The following NOL9 variants were observed in gnomAD, a reference collection of about 807,000 sequenced individuals.
NOL9 encodes the protein nucleolar protein 9, also known as polynucleotide 5'-hydroxyl-kinase NOL9.
NOL9 carries 28 observed loss-of-function variants against 67.9 expected under a neutral mutation model. That is an observed-to-expected ratio of 0.41 (90% CI 0.31 to 0.57). The LOEUF is 0.57. Ranked by LOEUF, NOL9 falls within the 20% of genes least tolerant of loss-of-function variation. The probability of loss-of-function intolerance (pLI) is 0.25; values close to 1 mark genes in which losing one functional copy is unlikely to be tolerated. For missense variants in NOL9, 777 were observed against 897.0 expected (o/e 0.87, Z 1.71); for synonymous variants, 356 against 352.2 (o/e 1.01, Z -0.12).
chr1:6,524,720 CCAG>C lies in NOL9; in HGVS notation c.*1131_*1133del, dbSNP rs1035396086. 6.6e-6 allele frequency: 1 copy of C among 152,112 alleles called. No individual in the cohort carries two copies. Among genetic ancestry groups the C allele is most frequent in the Admixed American group, 6.6e-5 (1 of 15,250 alleles). 9.4% of individuals were successfully genotyped at this position (152,112 alleles called of 1,614,324 possible). A position where few individuals can be genotyped will look rare whatever the true frequency, so the allele number is the denominator to read the frequency against. On this transcript the variant is annotated 3_prime_UTR_variant, in exon 12 of 12. Transcript: ENST00000377705. ...GACAAATCTACTTTTATAAGAGCCCCCAGAAGAGGTTTTCCAGATTATTATTTT... is the reference window on the plus strand; with the variant it reads ...GACAAATCTACTTTTATAAGAGCCCCAAGAGGTTTTCCAGATTATTATTTT...
Position 6,550,420 on chromosome 1 carries a change from A to G in NOL9, c.592T>C (p.Leu198=). The G allele has an allele frequency of 1.2e-6, 2 of 1,614,142 alleles. No individual in the cohort carries two copies. Among genetic ancestry groups the G allele is most frequent in the Non-Finnish European group, 1.7e-6 (2 of 1,180,004 alleles). Residue 198 remains leucine, a synonymous_variant, in exon 2 of 12, where the codon TTG becomes CTG. Coordinates refer to ENST00000377705, the MANE Select transcript of NOL9 (RefSeq NM_024654.5). ...KKELKREARN[L]LKSHLNLDDR... ...CCAAGGTTAAGATGAGATTTGAGCA[A>G]ATTCCGGGCTTCCCTTTTCAGTTCC...
Position 6,526,785 on chromosome 1 carries a change from G to A in NOL9, c.1870C>T (p.Leu624Phe), listed in dbSNP as rs1464873944. The change falls in exon 11 of 12, where the codon CTC (leucine) becomes TTC (phenylalanine). Residue 624 changes from leucine to phenylalanine, a missense_variant. By Grantham distance (22) the Leu-to-Phe change is conservative. Around this residue, in one of 2 missense-constraint regions of NOL9, gnomAD observed 413 missense variants for 552.6 expected, o/e 0.75. Coordinates refer to ENST00000377705, the MANE Select transcript of NOL9 (RefSeq NM_024654.5). ...AGCTCTTCCGGGGGCACAGGGGTGA[G>A]GATGTGGTACAGCCGCTTCTCCATG... Reference protein sequence around the residue: ...IDMEKRLYHILTPVPPEELRT... With the variant: ...IDMEKRLYHIFTPVPPEELRT... 1 of 1,613,616 alleles carries A rather than the reference G, an allele frequency of 6.2e-7. No individual in the cohort carries two copies. The highest frequency in any genetic ancestry group is 1.3e-5 in the African/African-American group (1 of 74,916).
At position 6,541,881 on chromosome 1, in the gene NOL9, A is replaced by G; in HGVS notation, c.1024T>C (p.Phe342Leu). Residue 342 changes from phenylalanine (F) to leucine (L), a missense_variant, in exon 6 of 12, where the codon TTT becomes CTT. Physicochemically the swap from Phe to Leu is conservative, Grantham distance 22. Around this residue, in one of 2 missense-constraint regions of NOL9, gnomAD observed 413 missense variants for 552.6 expected, o/e 0.75. Coordinates refer to ENST00000377705, the MANE Select transcript of NOL9 (RefSeq NM_024654.5). ...YLECDLGQTE[F>L]TPPGCISLLN... ...AAAGAAATGCAACCAGGAGGGGTAA[A>G]TTCTGTCTGTCCCAGATCACATTCC... is the stretch of plus-strand genomic sequence containing the variant. The G allele has an allele frequency of 1.2e-6, 2 of 1,609,604 alleles. No homozygotes were observed. The highest frequency in any genetic ancestry group is 2.2e-5 in the East Asian group (1 of 44,736).
intron 1 of NOL9, among the ~76,000 whole-genome samples, chr1:6,551,581 AGT>A (rs1570089651): frequency 6.6e-6 from 1 of 151,964 alleles, no homozygotes; most frequent in African/African-American, 2.4e-5. Flanking sequence ...CCTGGGCGAC[AGT>A]GATACTGTCC....
rs968946004 is a variant in NOL9, at chr1:6,525,197, G to A, written c.*657C>T. 6.6e-6 allele frequency: 1 copy of A among 152,126 alleles called. No homozygotes were observed. The highest frequency in any genetic ancestry group is 1.5e-5 in the Non-Finnish European group (1 of 68,124). The allele number at this position is 152,126 out of a possible 1,614,324, so 9.4% of individuals were successfully genotyped here. ...GTCTTACTCTGTCGCTCAGGCTGGA[G>A]TAGTTGGTGTACTCCAGCCTGGAAC... On this transcript the variant is annotated 3_prime_UTR_variant, in exon 12 of 12. Transcript: ENST00000377705.
At chr1:6,542,140 C>T (rs757032695) in intron 5 of NOL9, among the ~76,000 whole-genome samples, 11 of 144,678 alleles carry the variant, frequency 7.6e-5, no homozygotes, top group African/African-American at 2.0e-4. Flanking sequence ...ATTTGTAACA[C>T]GGATAACAAC....
In NOL9 at chr1:6,525,759, T is replaced by A; in HGVS notation, c.*95A>T. On this transcript the variant is annotated 3_prime_UTR_variant, in exon 12 of 12. Coordinates refer to ENST00000377705, the MANE Select transcript of NOL9 (RefSeq NM_024654.5). ...AACACTGTTGCTAATAAGGGCACCA[T>A]TCATGGCCATGAAACTCCATCATGT... 7 of 1,314,252 alleles carry A rather than the reference T, an allele frequency of 5.3e-6. No homozygotes were observed. The highest frequency in any genetic ancestry group is 7.6e-6 in the Non-Finnish European group (7 of 921,646). 81.4% of individuals were successfully genotyped at this position (1,314,252 alleles called of 1,614,324 possible).
chr1:6,532,332 T>C (rs1160149372), intron 8 of NOL9, 131 bp downstream of exon 8: 1 of 877,558 alleles, frequency 1.1e-6, no homozygotes, highest in African/African-American at 1.7e-5. Context: ...AACTGGTTCG[T>C]CTTTGTGCAT....
At chr1:6,540,054 C>T (rs1408750278) in intron 6 of NOL9, among the ~76,000 whole-genome samples, 5 of 150,704 alleles carry the variant, frequency 3.3e-5, no homozygotes, top group African/African-American at 7.3e-5. Context: ...GGTGAGATCT[C>T]GGCTCACCGC....
chr1:6,528,769 G>C (rs906772150), intron 10 of NOL9, among the ~76,000 whole-genome samples: 11 of 152,218 alleles, frequency 7.2e-5, no homozygotes, highest in Admixed American at 1.3e-4. Flanking sequence ...GGAGGGCCAA[G>C]CCCAGGCCCT....
chr1:6,550,925 C>A (rs990316473), intron 1 of NOL9, among the ~76,000 whole-genome samples: 1 of 152,102 alleles, frequency 6.6e-6, no homozygotes, highest in Non-Finnish European at 1.5e-5. Context: ...TCAGGTGATC[C>A]ATCCACCTCG....
At chr1:6,545,597 T>A (rs565608743) in intron 3 of NOL9, among the ~76,000 whole-genome samples, 36 of 152,152 alleles carry the variant, frequency 2.4e-4, no homozygotes, top group Admixed American at 1.8e-3. Flanking sequence ...GACAGGTCTG[T>A]GAAGTCCAGG....
intron 6 of NOL9, among the ~76,000 whole-genome samples, chr1:6,537,930 TGGCTAACAC>T (rs1210409424): frequency 3.7e-5 from 5 of 136,524 alleles, no homozygotes; most frequent in Middle Eastern, 4.5e-3. Flanking sequence ...GAGACCATCC[TGGCTAACAC>T]GGTGAAACCC....
intron 9 of NOL9, among the ~76,000 whole-genome samples, chr1:6,529,444 C>T (rs112131970): frequency 0.013 from 1,950 of 152,018 alleles, 51 homozygotes; most frequent in African/African-American, 0.044. Flanking sequence ...CAAAATTAGC[C>T]AGGCATGGTG....
At chr1:6,535,162 C>T (rs982406834) in intron 6 of NOL9, among the ~76,000 whole-genome samples, 2 of 152,130 alleles carry the variant, frequency 1.3e-5, no homozygotes. Flanking sequence ...TATATGCATA[C>T]ATACACATAT....
At chr1:6,542,618 C>T (rs1329867360) in intron 5 of NOL9, among the ~76,000 whole-genome samples, 2 of 151,228 alleles carry the variant, frequency 1.3e-5, no homozygotes, top group East Asian at 2.0e-4. Context: ...CCACCACGCC[C>T]GGCTAATTTT....
intron 6 of NOL9, among the ~76,000 whole-genome samples, chr1:6,536,698 T>C (rs1040673589): frequency 1.3e-5 from 2 of 152,078 alleles, no homozygotes; most frequent in African/African-American, 4.8e-5. Context: ...GGCTTGGTGG[T>C]GCATACCTGT....
intron 9 of NOL9, among the ~76,000 whole-genome samples, chr1:6,530,281 C>T (rs938542071): frequency 1.3e-5 from 2 of 151,892 alleles, no homozygotes; most frequent in East Asian, 2.0e-4. Context: ...GGTGAAACCC[C>T]GTTTCTACTA....
At position 6,532,167 on chromosome 1, in the gene NOL9, C is replaced by T; in HGVS notation, c.1536-88G>A. The stretch of plus-strand genomic sequence containing the variant: ...TGTCATCACAGAGGTCACATTTTCA[C>T]AGAGTACTGGGCTTTCCAACACTGC... On this transcript the variant is annotated intron_variant, in intron 8 of 11. Coordinates refer to ENST00000377705, the MANE Select transcript of NOL9 (RefSeq NM_024654.5). The T allele has an allele frequency of 2.9e-6, 3 of 1,044,348 alleles. No homozygotes were observed. The South Asian group carries it at 4.0e-5, about 14-fold the overall frequency. The allele number at this position is 1,044,348 out of a possible 1,614,324, so 64.7% of individuals were successfully genotyped here.
Sources: allele counts gnomAD v4.1 joint callset (sites outside exome capture counted in the v4.1 genomes callset), GRCh38; gene constraint gnomAD v4.1.1; regional missense constraint gnomAD v4.1.1; transcripts MANE v1.5; gene names NCBI Gene and HGNC (gene_info 2026-07-23, HGNC 2026-07-21).